Variants in SRRM4 observed in about 807,000 individuals in gnomAD.
SRRM4 encodes the protein serine/arginine repetitive matrix protein 4.
In SRRM4, 33 loss-of-function variants were observed where a neutral mutation model predicts 68.9. The observed-to-expected ratio is 0.48, with a 90% CI of 0.36 to 0.64. The LOEUF (loss-of-function observed/expected upper bound fraction) is 0.64, where lower values mean the gene tolerates loss of function less well. Ranked by LOEUF, SRRM4 falls within the 30% of genes least tolerant of loss-of-function variation. SRRM4 has a pLI of 0.00. For missense variants in SRRM4, 817 were observed against 827.1 expected (o/e 0.99, Z 0.15); for synonymous variants, 318 against 318.8 (o/e 1.00, Z 0.03).
At chr12:119,155,051 A>C (rs1474266717) in intron 12 of SRRM4, among the ~76,000 whole-genome samples, 1 of 152,212 alleles carries the variant, frequency 6.6e-6, no homozygotes, top group Non-Finnish European at 1.5e-5. Flanking sequence ...TGGAAGAAAT[A>C]ACTCCCAGAA....
At chr12:119,147,629 T>A (rs1954412482) in intron 9 of SRRM4, among the ~76,000 whole-genome samples, 1 of 152,182 alleles carries the variant, frequency 6.6e-6, no homozygotes, top group African/African-American at 2.4e-5. Context: ...AAAACTGCTC[T>A]AAAAAATAAA....
chr12:119,024,856 C>T (rs1303835871), intron 1 of SRRM4, among the ~76,000 whole-genome samples: 1 of 152,160 alleles, frequency 6.6e-6, no homozygotes, highest in African/African-American at 2.4e-5. Flanking sequence ...CTCTCTGTGT[C>T]TCCCTAGCCA....
chr12:119,123,224 C>T (rs145226423), intron 6 of SRRM4, among the ~76,000 whole-genome samples: 36 of 152,266 alleles, frequency 2.4e-4, no homozygotes, highest in Admixed American at 1.0e-3. Flanking sequence ...AAGGTCAGGA[C>T]GAAGGAGGGC....
chr12:119,112,028 A>G (rs1954147430), intron 2 of SRRM4, among the ~76,000 whole-genome samples: 1 of 151,740 alleles, frequency 6.6e-6, no homozygotes, highest in African/African-American at 2.4e-5. Context: ...CCTAGGCAAG[A>G]GAGTGAAACT....
intron 1 of SRRM4, among the ~76,000 whole-genome samples, chr12:119,089,945 TG>T (rs1954003975): frequency 6.6e-6 from 1 of 152,140 alleles, no homozygotes; most frequent in Non-Finnish European, 1.5e-5. Flanking sequence ...CATTCTCAGA[TG>T]GGAAAACTAA....
At chr12:118,988,304 G>T (rs963204749) in intron 1 of SRRM4, among the ~76,000 whole-genome samples, 17 of 152,190 alleles carry the variant, frequency 1.1e-4, no homozygotes, top group African/African-American at 4.1e-4. Flanking sequence ...CCCCAGCAGG[G>T]TCTCAAATAC....
At chr12:119,063,265 G>A (rs1953825675) in intron 1 of SRRM4, among the ~76,000 whole-genome samples, 3 of 152,170 alleles carry the variant, frequency 2.0e-5, no homozygotes, top group Admixed American at 2.0e-4. Context: ...ATGTATGCAT[G>A]AGACTTTATT....
chr12:118,997,813 T>C (rs915768852), intron 1 of SRRM4, among the ~76,000 whole-genome samples: 47 of 152,022 alleles, frequency 3.1e-4, no homozygotes, highest in African/African-American at 1.1e-3. Flanking sequence ...TTGAGGTGGA[T>C]ACTGTCATTA....
At position 119,158,784 on chromosome 12, in the gene SRRM4, T is replaced by A. The variant is rs567854169; in HGVS notation, c.*1986T>A. The A allele has an allele frequency of 6.5e-6, 1 of 152,792 alleles. No homozygotes were observed. Among genetic ancestry groups the A allele is most frequent in the African/African-American group, 2.4e-5 (1 of 41,598 alleles). The allele number at this position is 152,792 out of a possible 1,614,324, so 9.5% of individuals were successfully genotyped here. A position where few individuals can be genotyped will look rare whatever the true frequency, so the allele number is the denominator to read the frequency against. On this transcript the variant is annotated 3_prime_UTR_variant, in exon 13 of 13. Coordinates refer to ENST00000267260, the MANE Select transcript of SRRM4 (RefSeq NM_194286.4). ...CCAAAAACCTTCTTAGCAGGACAGC[T>A]GTGAGAGGCATCAGAACCTCACGTT... is the stretch of plus-strand genomic sequence containing the variant.
intron 1 of SRRM4, among the ~76,000 whole-genome samples, chr12:119,074,770 CTA>C (rs1953898328): frequency 1.3e-5 from 2 of 152,174 alleles, no homozygotes; most frequent in Admixed American, 1.3e-4. Flanking sequence ...AGCCACTTGT[CTA>C]GGGGCTTAGG....
intron 1 of SRRM4, among the ~76,000 whole-genome samples, chr12:119,099,975 G>C (rs1954068224): frequency 6.6e-6 from 1 of 152,138 alleles, no homozygotes; most frequent in African/African-American, 2.4e-5. Flanking sequence ...GATATTCAAA[G>C]GGAGATAAAT....
intron 1 of SRRM4, among the ~76,000 whole-genome samples, chr12:119,071,048 G>A (rs1953874959): frequency 6.6e-6 from 1 of 152,186 alleles, no homozygotes. Flanking sequence ...CTAGGACTCA[G>A]GTTTTCCGTG....
Position 119,163,047 on chromosome 12 carries a change from TC to T in SRRM4, c.*6250del, listed in dbSNP as rs1447191578. The T allele has an allele frequency of 2.0e-5, 3 of 152,266 alleles. No homozygotes were observed. The highest frequency in any genetic ancestry group is 2.9e-5 in the Non-Finnish European group (2 of 68,028). 9.4% of individuals were successfully genotyped at this position (152,266 alleles called of 1,614,324 possible). On this transcript the variant is annotated 3_prime_UTR_variant, in exon 13 of 13. Coordinates refer to ENST00000267260, the MANE Select transcript of SRRM4 (RefSeq NM_194286.4). Reference sequence around the variant, plus strand: ...AATTAAAGTTCCCATGGTATGGTGTTCTCATATATGGCTCAGTGTTCTCTGT... The same window carrying T: ...AATTAAAGTTCCCATGGTATGGTGTTTCATATATGGCTCAGTGTTCTCTGT...
chr12:119,013,827 G>T (rs185783790), intron 1 of SRRM4, among the ~76,000 whole-genome samples: 60 of 152,156 alleles, frequency 3.9e-4, no homozygotes, highest in African/African-American at 1.4e-3. Flanking sequence ...GGCCTACCTT[G>T]GAGGGTATAT....
Position 119,130,752 on chromosome 12 carries a change from G to T in SRRM4, c.689G>T (p.Cys230Phe). ...TCCCGCCGCTGCTCCAAGACCCTCT[G>T]CAAGGACAGCCCTGAGGCCCAGTCC... is the stretch of plus-strand genomic sequence containing the variant. ...RHSRRCSKTL[C>F]KDSPEAQSSR... Residue 230 changes from cysteine to phenylalanine, a missense_variant, in exon 8 of 13, where the codon TGC (cysteine) becomes TTC (phenylalanine). Cys to Phe is a radical substitution (Grantham distance 205). Transcript: ENST00000267260. The T allele has an allele frequency of 6.2e-7, 1 of 1,611,106 alleles. No homozygotes were observed. Among genetic ancestry groups the T allele is most frequent in the Non-Finnish European group, 8.5e-7 (1 of 1,179,838 alleles).
rs184239754 is a variant in SRRM4 at position 119,038,856 on chromosome 12, C to T, written c.131+56843C>T. 1.5e-3 allele frequency among the ~76,000 whole-genome samples: 225 copies of T among 152,288 alleles called. 1 individual carries two copies. The highest frequency in any genetic ancestry group is 5.3e-3 in the African/African-American group (219 of 41,556). ...CTGTTATGATCCTCCCTCACTGTTC[C>T]TCATCCTCCAAAACACATACTGTTA... On this transcript the variant is annotated intron_variant, in intron 1 of 12. Coordinates refer to ENST00000267260, the MANE Select transcript of SRRM4 (RefSeq NM_194286.4).
intron 1 of SRRM4, among the ~76,000 whole-genome samples, chr12:119,040,907 G>A (rs112232554): frequency 2.6e-5 from 4 of 150,952 alleles, no homozygotes; most frequent in African/African-American, 9.8e-5. Context: ...GTGCCACAAT[G>A]CTCGGCTAAT....
intron 8 of SRRM4, among the ~76,000 whole-genome samples, chr12:119,140,070 T>C (rs1234057956): frequency 6.6e-6 from 1 of 152,148 alleles, no homozygotes; most frequent in Non-Finnish European, 1.5e-5. Flanking sequence ...TTTTAAAATA[T>C]AAGAAAAATT....
At chr12:119,130,541 A>G in intron 7 of SRRM4, 137 bp from the exon 8 acceptor site, 3 of 764,478 alleles carry the variant, frequency 3.9e-6, no homozygotes, top group Non-Finnish European at 6.0e-6. Flanking sequence ...AGACATACCT[A>G]GGAACAATAT....
Sources: gnomAD v4.1 joint callset for allele counts (sites outside exome capture counted in the v4.1 genomes callset) on GRCh38, gnomAD v4.1.1 for gene constraint, MANE v1.5 for transcripts, NCBI Gene and HGNC (gene_info 2026-07-23, HGNC 2026-07-21) for gene names.